CTTNBP2: variants seen among roughly 807,000 people sequenced by gnomAD.
CTTNBP2 encodes the protein cortactin-binding protein 2.
A neutral mutation model predicts 156.9 loss-of-function variants in CTTNBP2; 108 were observed. That is an observed-to-expected ratio of 0.69 (90% CI 0.59 to 0.81). CTTNBP2 has a LOEUF of 0.81. CTTNBP2 is among the 30% of genes least tolerant of loss of function. CTTNBP2 has a pLI of 0.00. For synonymous variants in CTTNBP2, 767 were observed against 751.8 expected, an observed-to-expected ratio of 1.02 and a Z score of -0.33; for missense variants, 1,924 against 2,035.4, an observed-to-expected ratio of 0.95 and a Z score of 1.05.
chr7:117,865,679 AAAAAAAAAAAAG>A (rs1268814167), intron 1 of CTTNBP2, among the ~76,000 whole-genome samples: 2 of 147,296 alleles, frequency 1.4e-5, no homozygotes, highest in Non-Finnish European at 3.0e-5. Flanking sequence ...TCCAAAAAAA[AAAAAAAAAAAAG>A]AAAAGAAAAA....
Position 117,756,454 on chromosome 7 carries a change from G to C in CTTNBP2, c.3348+101C>G, listed in dbSNP as rs558655875. On this transcript the variant is annotated intron_variant, in intron 12 of 22. Coordinates refer to ENST00000160373, the MANE Select transcript of CTTNBP2 (RefSeq NM_033427.3). ...AGGTAACGGTGTCAGAGCACAGGGT[G>C]GGGGGGCTTGCACTCCTCCTTTAAA... is the stretch of plus-strand genomic sequence containing the variant. 205 of 855,350 alleles carry C rather than the reference G, an allele frequency of 2.4e-4. 1 individual carries two copies. The Admixed American group carries it at 3.3e-3, about 14-fold the overall frequency. 53.0% of individuals were successfully genotyped at this position (855,350 alleles called of 1,614,324 possible).
In CTTNBP2 at chr7:117,791,410, T is replaced by C; in HGVS notation, c.1786A>G (p.Arg596Gly). Reference sequence around the variant, plus strand: ...GGAAGGTTCTCCTCATTGATCACCCTGTTCCCTTGTGGCAAACTGGAAGGA... The same window carrying C: ...GGAAGGTTCTCCTCATTGATCACCCCGTTCCCTTGTGGCAAACTGGAAGGA... The part of the protein sequence containing the change: ...STPSSLPQGN[R>G]VINEENLPKS... Residue 596 changes from arginine (R) to glycine (G), a missense_variant, in exon 4 of 23, where the codon AGG (arginine) becomes GGG (glycine). By Grantham distance (125) the Arg-to-Gly change is moderately radical. Transcript: ENST00000160373. 1 of 1,614,234 alleles carries C rather than the reference T, an allele frequency of 6.2e-7. No homozygotes were observed. Among genetic ancestry groups the C allele is most frequent in the Non-Finnish European group, 8.5e-7 (1 of 1,180,048 alleles).
intron 14 of CTTNBP2, among the ~76,000 whole-genome samples, chr7:117,735,764 A>G (rs1241909655): frequency 6.6e-6 from 1 of 152,260 alleles, no homozygotes; most frequent in Non-Finnish European, 1.5e-5. Context: ...AAGACTCACA[A>G]ACAATATATT....
chr7:117,729,744 C>G (rs957737452), intron 16 of CTTNBP2, among the ~76,000 whole-genome samples: 3 of 152,076 alleles, frequency 2.0e-5, no homozygotes, highest in Admixed American at 2.0e-4. Flanking sequence ...TTTCAGATCC[C>G]TTCCAGACTG....
intron 21 of CTTNBP2, 56 bp from the exon 22 acceptor site, chr7:117,718,175 A>C: frequency 2.4e-4 from 247 of 1,012,800 alleles, no homozygotes; most frequent in Middle Eastern, 4.0e-4. Flanking sequence ...GTGCATACTC[A>C]AGGCACAGCT....
intron 7 of CTTNBP2, 107 bp from the exon 8 acceptor site, chr7:117,777,872 T>G (rs1662605569): frequency 1.8e-6 from 2 of 1,121,352 alleles, no homozygotes; most frequent in African/African-American, 3.1e-5. Context: ...ACCACTGAGC[T>G]GGGAAAAGCA....
chr7:117,813,933 T>C lies in CTTNBP2; in HGVS notation c.190-2944A>G, dbSNP rs142931067. On this transcript the variant is annotated intron_variant, in intron 2 of 22. Transcript: ENST00000160373. ...ACTAGCTTTTAAATATTTCTTACAA[T>C]AATTTGCATCTTGTTCCTCACTTTG... Among the ~76,000 whole-genome samples the C allele has an allele frequency of 1.5e-3, 234 of 152,352 alleles. 2 individuals are homozygous for C. The East Asian group carries it at 0.03, about 19-fold the overall frequency.
intron 22 of CTTNBP2, 83 bp downstream of exon 22, chr7:117,717,935 G>C (rs1396784490): frequency 9.3e-6 from 8 of 856,558 alleles, no homozygotes; most frequent in Non-Finnish European, 1.4e-5. Flanking sequence ...AAATAACTCT[G>C]TGATTCACAC....
At chr7:117,818,334 G>A (rs1800746969) in intron 2 of CTTNBP2, among the ~76,000 whole-genome samples, 1 of 152,148 alleles carries the variant, frequency 6.6e-6, no homozygotes, top group South Asian at 2.1e-4. Context: ...TAAGAAGACT[G>A]CTAAGGAATT....
intron 4 of CTTNBP2, among the ~76,000 whole-genome samples, chr7:117,790,224 T>C (rs1245287020): frequency 6.6e-6 from 1 of 152,212 alleles, no homozygotes; most frequent in Non-Finnish European, 1.5e-5. Flanking sequence ...GAAAACAGCA[T>C]GGACTTTGCA....
At position 117,792,926 on chromosome 7, in the gene CTTNBP2, G is replaced by A. The variant is rs994977133; in HGVS notation, c.415-145C>T. On this transcript the variant is annotated intron_variant, in intron 3 of 22. Coordinates refer to ENST00000160373, the MANE Select transcript of CTTNBP2 (RefSeq NM_033427.3). The surrounding 1 kb of genome is among the most constrained non-coding windows in gnomAD (Gnocchi z 4.2). ...ACGCCACATTTTCAAAAAGTGTTGT[G>A]ATAAGAAATATTTTAAAGACACATT... 51 of 531,240 alleles carry A rather than the reference G, an allele frequency of 9.6e-5. No individual in the cohort carries two copies. Among genetic ancestry groups the A allele is most frequent in the African/African-American group, 8.0e-4 (41 of 51,452 alleles). The allele number at this position is 531,240 out of a possible 1,614,324, so 32.9% of individuals were successfully genotyped here.
intron 4 of CTTNBP2, among the ~76,000 whole-genome samples, chr7:117,789,414 C>T (rs1798873532): frequency 6.6e-6 from 1 of 152,144 alleles, no homozygotes; most frequent in African/African-American, 2.4e-5. Context: ...ACTGCCACTG[C>T]TCCACACATT....
At chr7:117,773,348 G>A (rs1797895122) in intron 8 of CTTNBP2, among the ~76,000 whole-genome samples, 1 of 152,124 alleles carries the variant, frequency 6.6e-6, no homozygotes. Flanking sequence ...AGAAACGTCT[G>A]ACTCTCATAT....
In CTTNBP2 at chr7:117,721,082, G is replaced by A; in HGVS notation, c.4496C>T (p.Ser1499Phe). The part of the protein sequence containing the change: ...ISQLNCNRNA[S>F]LSKQKSLEND... ...GGGAACTTACTTTTGTTTTGACAGAGAAGCATTCCTGTTACAATTCAGCTG... is the reference window on the plus strand; with the variant it reads ...GGGAACTTACTTTTGTTTTGACAGAAAAGCATTCCTGTTACAATTCAGCTG... The change falls in exon 20 of 23, where the codon TCT becomes TTT. Residue 1499 changes from serine to phenylalanine, a missense_variant. Coordinates refer to ENST00000160373, the MANE Select transcript of CTTNBP2 (RefSeq NM_033427.3). 6.2e-7 allele frequency: 1 copy of A among 1,605,732 alleles called. No individual in the cohort carries two copies. The highest frequency in any genetic ancestry group is 8.5e-7 in the Non-Finnish European group (1 of 1,172,454).
chr7:117,760,066 T>C (rs1424484653), intron 10 of CTTNBP2, among the ~76,000 whole-genome samples: 2 of 152,218 alleles, frequency 1.3e-5, no homozygotes, highest in African/African-American at 4.8e-5. Context: ...ACTAATGCAC[T>C]ACAGTGCTCC....
chr7:117,790,992 G>A, intron 4 of CTTNBP2, 136 bp downstream of exon 4: 1 of 708,124 alleles, frequency 1.4e-6, no homozygotes, highest in South Asian at 2.0e-5. Flanking sequence ...AAAAAAGAGA[G>A]AGAAAGAAAA....
intron 4 of CTTNBP2, among the ~76,000 whole-genome samples, chr7:117,784,866 G>C (rs555002845): frequency 1.3e-5 from 2 of 152,262 alleles, no homozygotes; most frequent in East Asian, 3.9e-4. Flanking sequence ...ATCTGGAAAA[G>C]TAAACTGATA....
At position 117,728,286 on chromosome 7, in the gene CTTNBP2, G is replaced by A; in HGVS notation, c.3877-19C>T. ...CTTTGAACTAGAGAGACAGGGAGGT[G>A]GAACCCAGGGGCTTGGTTTAGAACA... On this transcript the variant is annotated intron_variant, in intron 16 of 22. Transcript: ENST00000160373. 2 of 1,573,844 alleles carry A rather than the reference G, an allele frequency of 1.3e-6. No individual in the cohort carries two copies. The highest frequency in any genetic ancestry group is 1.7e-6 in the Non-Finnish European group (2 of 1,157,562).
intron 4 of CTTNBP2, 102 bp downstream of exon 4, chr7:117,791,026 C>CTTGCTATATG (rs1798967223): frequency 1.0e-6 from 1 of 994,778 alleles, no homozygotes; most frequent in Non-Finnish European, 1.5e-6. Flanking sequence ...GGGGAAGCAT[C>CTTGCTATATG]AAATTTAAAA....
Sources: gnomAD v4.1 joint callset for allele counts (sites outside exome capture counted in the v4.1 genomes callset) on GRCh38, gnomAD v4.1.1 for gene constraint, Gnocchi (gnomAD v3.1) non-coding constraint, MANE v1.5 for transcripts, NCBI Gene and HGNC (gene_info 2026-07-23, HGNC 2026-07-21) for gene names.